KCTD16: variants seen among roughly 807,000 people sequenced by gnomAD.
KCTD16 encodes potassium channel tetramerization domain containing 16.
In KCTD16, 13 loss-of-function variants were observed where a neutral mutation model predicts 33.2. The ratio of observed to expected loss-of-function variants is 0.39; its 90% CI spans 0.25 to 0.62. The LOEUF (loss-of-function observed/expected upper bound fraction) is 0.62. Among genes scored for constraint, KCTD16 ranks in the 20% least tolerant of loss-of-function variants. KCTD16 has a pLI of 0.50. For missense variants in KCTD16, 441 were observed against 525.1 expected (o/e 0.84, Z 1.57); for synonymous variants, 197 against 195.3 (o/e 1.01, Z -0.07).
chr5:144,193,986 C>T (rs1752892989), intron 2 of KCTD16, among the ~76,000 whole-genome samples: 1 of 151,922 alleles, frequency 6.6e-6, no homozygotes, highest in African/African-American at 2.4e-5. Flanking sequence ...AGATATTTAG[C>T]TTAGGACTCG....
chr5:144,198,037 T>C (rs1752970769), intron 2 of KCTD16, among the ~76,000 whole-genome samples: 1 of 152,174 alleles, frequency 6.6e-6, no homozygotes, highest in Admixed American at 6.5e-5. Flanking sequence ...TACCTCTTTG[T>C]AGTAGTGGGT....
intron 3 of KCTD16, among the ~76,000 whole-genome samples, chr5:144,341,499 C>T (rs1221460549): frequency 2.0e-5 from 3 of 152,148 alleles, no homozygotes; most frequent in African/African-American, 7.2e-5. Flanking sequence ...CTCAGATTCA[C>T]AGTATTTTCT....
chr5:144,250,485 T>A (rs1033928391), intron 3 of KCTD16, among the ~76,000 whole-genome samples: 2 of 152,218 alleles, frequency 1.3e-5, no homozygotes, highest in Non-Finnish European at 1.5e-5. Context: ...TTTTACTTGC[T>A]ACACTTCCAG....
Position 144,249,510 on chromosome 5 carries a change from C to A in KCTD16, c.832+41964C>A, listed in dbSNP as rs114570748. ...CTGATACATCTTAAGCATTCAGTAA[C>A]TATTTATTTAATAAGTTAACGGGGG... On this transcript the variant is annotated intron_variant, in intron 3 of 3. Transcript: ENST00000512467. Among the ~76,000 whole-genome samples, 1,514 of 152,146 alleles carry A rather than the reference C, an allele frequency of 1.0e-2. 21 individuals carry two copies. The highest frequency in any genetic ancestry group is 0.034 in the African/African-American group (1,398 of 41,472).
At chr5:144,183,023 C>T (rs73792184) in intron 2 of KCTD16, among the ~76,000 whole-genome samples, 145 of 150,058 alleles carry the variant, frequency 9.7e-4, no homozygotes, top group Middle Eastern at 3.4e-3. Flanking sequence ...TGTTGTACAC[C>T]TTAACTTTAT....
In KCTD16 at chr5:144,240,161, C is replaced by A. The variant is rs187325205; in HGVS notation, c.832+32615C>A. ...TAAGTGGTAAAATCAGATTTCAAAC[C>A]CAGATATGTCTGTGTCTAAAGTCCA... On this transcript the variant is annotated intron_variant, in intron 3 of 3. Transcript: ENST00000512467. Among the ~76,000 whole-genome samples, 871 of 152,156 alleles carry A rather than the reference C, an allele frequency of 5.7e-3. 4 individuals are homozygous for A. The highest frequency in any genetic ancestry group is 9.2e-3 in the Non-Finnish European group (624 of 67,982).
At chr5:144,245,014 C>A (rs1408183580) in intron 3 of KCTD16, among the ~76,000 whole-genome samples, 4 of 152,138 alleles carry the variant, frequency 2.6e-5, no homozygotes, top group Non-Finnish European at 4.4e-5. Flanking sequence ...TATGAGAAGA[C>A]AATGATCAAT....
chr5:144,234,632 G>A (rs1754198867), intron 3 of KCTD16, among the ~76,000 whole-genome samples: 1 of 152,028 alleles, frequency 6.6e-6, no homozygotes, highest in Admixed American at 6.6e-5. Context: ...GACAAACTGA[G>A]TCTCAGATTT....
At chr5:144,213,075 C>A (rs907114136) in intron 3 of KCTD16, among the ~76,000 whole-genome samples, 3 of 151,904 alleles carry the variant, frequency 2.0e-5, no homozygotes, top group Non-Finnish European at 2.9e-5. Context: ...TACCATATAC[C>A]ATTATAACAT....
intron 3 of KCTD16, among the ~76,000 whole-genome samples, chr5:144,225,539 A>C (rs527341483): frequency 6.7e-6 from 1 of 149,070 alleles, no homozygotes; most frequent in Non-Finnish European, 1.5e-5. Context: ...CCACATACCT[A>C]AGCAAAAATA....
intron 3 of KCTD16, among the ~76,000 whole-genome samples, chr5:144,412,315 G>T (rs1027154411): frequency 6.6e-6 from 1 of 152,112 alleles, no homozygotes; most frequent in Admixed American, 6.5e-5. Context: ...TGTGGTAAAT[G>T]TACCCAATGG....
intron 3 of KCTD16, among the ~76,000 whole-genome samples, chr5:144,443,123 C>T (rs956816298): frequency 6.6e-6 from 1 of 152,044 alleles, no homozygotes; most frequent in Non-Finnish European, 1.5e-5. Flanking sequence ...GAATGAGAAA[C>T]GCAGGCAGGC....
chr5:144,445,622 T>G (rs1307687043), intron 3 of KCTD16, among the ~76,000 whole-genome samples: 2 of 152,058 alleles, frequency 1.3e-5, no homozygotes, highest in East Asian at 3.9e-4. Flanking sequence ...TTCAGGAAAT[T>G]TTTTAATTCC....
intron 3 of KCTD16, among the ~76,000 whole-genome samples, chr5:144,307,515 C>T (rs2126874966): frequency 6.6e-6 from 1 of 152,228 alleles, no homozygotes; most frequent in East Asian, 1.9e-4. Context: ...GCTTAACATA[C>T]ATTATTTCAT....
At chr5:144,267,873 G>A (rs1755189452) in intron 3 of KCTD16, among the ~76,000 whole-genome samples, 2 of 152,206 alleles carry the variant, frequency 1.3e-5, no homozygotes, top group Admixed American at 1.3e-4. Context: ...CTTCCACAGG[G>A]AATTTCCCCC....
intron 3 of KCTD16, among the ~76,000 whole-genome samples, chr5:144,287,369 C>A (rs1282475326): frequency 6.6e-6 from 1 of 152,166 alleles, no homozygotes; most frequent in East Asian, 1.9e-4. Flanking sequence ...GCTGCCAGGC[C>A]CCTTGGCCAA....
chr5:144,362,169 C>T (rs556940552), intron 3 of KCTD16, among the ~76,000 whole-genome samples: 2 of 152,174 alleles, frequency 1.3e-5, no homozygotes, highest in South Asian at 4.1e-4. Context: ...CTGCATGGCA[C>T]TGTAGGTACA....
chr5:144,352,011 T>C (rs934474431), intron 3 of KCTD16, among the ~76,000 whole-genome samples: 1 of 152,198 alleles, frequency 6.6e-6, no homozygotes, highest in Non-Finnish European at 1.5e-5. Context: ...TAGAAATTGC[T>C]AAGACAGTAG....
intron 3 of KCTD16, among the ~76,000 whole-genome samples, chr5:144,246,809 AT>A (rs1754561819): frequency 6.6e-6 from 1 of 151,560 alleles, no homozygotes; most frequent in African/African-American, 2.4e-5. Context: ...AGGCCCTCTG[AT>A]TTCTGTGTCA....
Sources: allele counts gnomAD v4.1 joint callset (sites outside exome capture counted in the v4.1 genomes callset), GRCh38; gene constraint gnomAD v4.1.1; transcripts MANE v1.5; gene names NCBI Gene and HGNC (gene_info 2026-07-23, HGNC 2026-07-21).